The following CDH18 variants were observed in gnomAD, a reference collection of about 807,000 sequenced individuals.
The protein encoded by CDH18 is cadherin 18, also known as cadherin-18.
A neutral mutation model predicts 67.9 loss-of-function variants in CDH18; 31 were observed. The observed-to-expected ratio is 0.46, with a 90% CI of 0.34 to 0.62. The LOEUF is 0.62. Among genes scored for constraint, CDH18 ranks in the 20% least tolerant of loss-of-function variants. CDH18 has a pLI of 0.01. For missense variants in CDH18, 890 were observed against 975.5 expected, an observed-to-expected ratio of 0.91 and a Z score of 1.17; for synonymous variants, 362 against 347.2, an observed-to-expected ratio of 1.04 and a Z score of -0.48.
At chr5:19,502,860 AAC>A (rs1169931128) in intron 11 of CDH18, 130 bp downstream of exon 11, 5 of 725,170 alleles carry the variant, frequency 6.9e-6, no homozygotes, top group African/African-American at 1.7e-5. Context: ...CACAGATCAT[AAC>A]ACAGTAGCAT....
At chr5:19,614,365 C>A (rs1179328054) in intron 5 of CDH18, among the ~76,000 whole-genome samples, 1 of 150,680 alleles carries the variant, frequency 6.6e-6, no homozygotes, top group Non-Finnish European at 1.5e-5. Context: ...GAAAATTATT[C>A]TTATCAAAAT....
intron 2 of CDH18, among the ~76,000 whole-genome samples, chr5:20,186,246 A>AT (rs1738092186): frequency 6.6e-6 from 1 of 152,022 alleles, no homozygotes; most frequent in Non-Finnish European, 1.5e-5. Context: ...TTTGGCAATG[A>AT]TTTTTTGGAT....
At chr5:19,755,912 A>G (rs1049688659) in intron 3 of CDH18, among the ~76,000 whole-genome samples, 4 of 152,150 alleles carry the variant, frequency 2.6e-5, no homozygotes, top group African/African-American at 9.6e-5. Flanking sequence ...TCCCCAGCCT[A>G]CTGATTCAAA....
intron 4 of CDH18, among the ~76,000 whole-genome samples, chr5:19,741,959 GAAAGATTGA>G (rs1358601239): frequency 6.6e-6 from 1 of 152,090 alleles, no homozygotes; most frequent in Non-Finnish European, 1.5e-5. Context: ...GTTAATAGTG[GAAAGATTGA>G]AAAACTCGTT....
chr5:20,410,079 C>G (rs1746639647), intron 1 of CDH18, among the ~76,000 whole-genome samples: 1 of 151,710 alleles, frequency 6.6e-6, no homozygotes, highest in East Asian at 1.9e-4. Flanking sequence ...TAATGCAAAT[C>G]CTTCCTAAAC....
intron 1 of CDH18, among the ~76,000 whole-genome samples, chr5:20,351,623 T>C (rs957998627): frequency 1.1e-4 from 16 of 150,978 alleles, no homozygotes; most frequent in African/African-American, 3.7e-4. Flanking sequence ...TGTAGGAAAA[T>C]ACAATTTTGG....
rs148311613 is a variant in CDH18, at chr5:20,438,984, A to AG, written c.-580+136477dup. On this transcript the variant is annotated intron_variant, in intron 1 of 14. Transcript: ENST00000507958. ...TAAAAAATAATTTATTCTTTTAAAT[A>AG]GTAATTAATAGTGTTAAGTAATGGT... is the stretch of plus-strand genomic sequence containing the variant. Among the ~76,000 whole-genome samples the AG allele has an allele frequency of 6.3e-4, 96 of 151,674 alleles. 5 individuals are homozygous for AG. The highest frequency in any genetic ancestry group is 2.2e-3 in the African/African-American group (92 of 41,284).
At chr5:20,066,441 A>C (rs1033998706) in intron 2 of CDH18, among the ~76,000 whole-genome samples, 5 of 152,102 alleles carry the variant, frequency 3.3e-5, no homozygotes, top group Admixed American at 6.6e-5. Context: ...CTCATAGCTT[A>C]GCATGTCAAC....
chr5:20,479,140 G>A (rs978970330), intron 1 of CDH18, among the ~76,000 whole-genome samples: 4 of 152,064 alleles, frequency 2.6e-5, no homozygotes, highest in African/African-American at 4.8e-5. Context: ...ACCTTCCTAA[G>A]AAAGATAGAT....
chr5:20,490,884 A>G (rs1336166923), intron 1 of CDH18, among the ~76,000 whole-genome samples: 1 of 152,160 alleles, frequency 6.6e-6, no homozygotes, highest in Non-Finnish European at 1.5e-5. Flanking sequence ...AGCTCTTCTC[A>G]TAATTACCTT....
At chr5:20,181,608 T>TA (rs1737690901) in intron 2 of CDH18, among the ~76,000 whole-genome samples, 1 of 152,126 alleles carries the variant, frequency 6.6e-6, no homozygotes, top group African/African-American at 2.4e-5. Flanking sequence ...TGAGGTTTGA[T>TA]ACGCAGTAAC....
At chr5:20,207,944 C>A (rs932260288) in intron 2 of CDH18, among the ~76,000 whole-genome samples, 2 of 151,916 alleles carry the variant, frequency 1.3e-5, no homozygotes, top group Admixed American at 1.3e-4. Flanking sequence ...ATGAAAACAC[C>A]ATCATACAGG....
chr5:20,250,457 T>C (rs1220541423), intron 2 of CDH18, among the ~76,000 whole-genome samples: 3 of 151,760 alleles, frequency 2.0e-5, no homozygotes, highest in Non-Finnish European at 4.4e-5. Flanking sequence ...CACGCCCAGT[T>C]AATTTTTGTA....
At chr5:20,450,443 A>G (rs1343515815) in intron 1 of CDH18, among the ~76,000 whole-genome samples, 1 of 152,216 alleles carries the variant, frequency 6.6e-6, no homozygotes, top group Non-Finnish European at 1.5e-5. Context: ...TGTCTACATT[A>G]TTGCACATCA....
chr5:19,949,047 G>T (rs1394370479), intron 2 of CDH18, among the ~76,000 whole-genome samples: 1 of 152,008 alleles, frequency 6.6e-6, no homozygotes, highest in African/African-American at 2.4e-5. Flanking sequence ...GTAATCATAA[G>T]ACAGTAACGA....
intron 1 of CDH18, among the ~76,000 whole-genome samples, chr5:20,424,971 G>A (rs754358854): frequency 3.3e-5 from 5 of 150,526 alleles, no homozygotes; most frequent in Non-Finnish European, 5.9e-5. Flanking sequence ...TGAGGACTGG[G>A]TCAACCAGAA....
chr5:20,114,026 T>C (rs1044521864), intron 2 of CDH18, among the ~76,000 whole-genome samples: 3 of 152,212 alleles, frequency 2.0e-5, no homozygotes, highest in Admixed American at 6.5e-5. Context: ...CTTAATTTTG[T>C]TTGCTGTTGT....
intron 3 of CDH18, among the ~76,000 whole-genome samples, chr5:19,759,748 T>C (rs1302757277): frequency 6.6e-6 from 1 of 152,056 alleles, no homozygotes; most frequent in African/African-American, 2.4e-5. Context: ...GGAGGCCTCC[T>C]TGGGGAAGGA....
intron 2 of CDH18, among the ~76,000 whole-genome samples, chr5:19,841,085 C>T (rs768801869): frequency 6.5e-4 from 99 of 152,118 alleles, no homozygotes; most frequent in Non-Finnish European, 1.2e-3. Context: ...TTCAAGAGCA[C>T]GGCATTTTTC....
Sources: allele counts gnomAD v4.1 joint callset (sites outside exome capture counted in the v4.1 genomes callset), GRCh38; gene constraint gnomAD v4.1.1; transcripts MANE v1.5; gene names NCBI Gene and HGNC (gene_info 2026-07-23, HGNC 2026-07-21).